The following PCDHGA2 variants were observed in gnomAD, a reference collection of about 807,000 sequenced individuals.
The protein encoded by PCDHGA2 is protocadherin gamma subfamily A, 2.
Under a neutral mutation model 59.2 loss-of-function variants are expected in PCDHGA2, and 40 were observed. The ratio of observed to expected loss-of-function variants is 0.68; its 90% CI spans 0.52 to 0.88. PCDHGA2 has a LOEUF of 0.88. Among genes scored for constraint, PCDHGA2 ranks in the 40% least tolerant of loss-of-function variants. The pLI, the probability that PCDHGA2 is intolerant of heterozygous loss-of-function variation, is 0.00. For missense variants in PCDHGA2, 1,226 were observed against 1,204.0 expected (o/e 1.02, Z -0.27); for synonymous variants, 560 against 526.0 (o/e 1.06, Z -0.89).
Position 141,432,691 on chromosome 5 carries a change from G to A in PCDHGA2, c.2425-62116G>A, listed in dbSNP as rs1308174141. Reference sequence around the variant, plus strand: ...ACGCGCTCAAGCAGAGCCTCGTAGTGGCCGTCCAGGACCACGGCCAGCCCC... The same window carrying A: ...ACGCGCTCAAGCAGAGCCTCGTAGTAGCCGTCCAGGACCACGGCCAGCCCC... On this transcript the variant is annotated intron_variant, in intron 1 of 3. Transcript: ENST00000394576. The surrounding 1 kb of genome is among the most constrained non-coding windows in gnomAD (Gnocchi z 6.0). 1 of 1,613,942 alleles carries A rather than the reference G, an allele frequency of 6.2e-7. No individual in the cohort carries two copies. Among genetic ancestry groups the A allele is most frequent in the South Asian group, 1.1e-5 (1 of 91,068 alleles).
At chr5:141,397,813 A>G (rs2093571371) in intron 1 of PCDHGA2, among the ~76,000 whole-genome samples, 2 of 152,216 alleles carry the variant, frequency 1.3e-5, no homozygotes, top group Non-Finnish European at 2.9e-5. Flanking sequence ...GCACACAAAA[A>G]CAATTACTGC....
At chr5:141,353,468 T>C (rs1344586353) in intron 1 of PCDHGA2, among the ~76,000 whole-genome samples, 1 of 152,198 alleles carries the variant, frequency 6.6e-6, no homozygotes, top group Non-Finnish European at 1.5e-5. Flanking sequence ...AGCCTTCCAA[T>C]TATTAAGACT....
chr5:141,339,914 C>T lies in PCDHGA2; in HGVS notation c.943C>T (p.His315Tyr). The T allele has an allele frequency of 1.2e-6, 2 of 1,614,112 alleles. No homozygotes were observed. Among genetic ancestry groups the T allele is most frequent in the South Asian group, 1.1e-5 (1 of 91,072 alleles). Residue 315 changes from histidine (H) to tyrosine (Y), a missense_variant, in exon 1 of 4, where the codon CAT becomes TAT. By Grantham distance (83) the His-to-Tyr change is moderately conservative. Transcript: ENST00000394576. ...KDLDYEDATF[H>Y]EIDIEAQDGP... ...TCTAGATTATGAGGATGCTACATTC[C>T]ATGAAATTGATATTGAAGCTCAGGA... is the stretch of plus-strand genomic sequence containing the variant.
At position 141,408,970 on chromosome 5, in the gene PCDHGA2, C is replaced by T. The variant is rs755949698; in HGVS notation, c.2424+67575C>T. The stretch of plus-strand genomic sequence containing the variant: ...GAATTAGTCTTAGTGAAAATCTGCC[C>T]CCTGGGTCCCCTGTGTTGCAAGTGA... On this transcript the variant is annotated intron_variant, in intron 1 of 3. Coordinates refer to ENST00000394576, the MANE Select transcript of PCDHGA2 (RefSeq NM_018915.4). 10 of 1,613,770 alleles carry T rather than the reference C, an allele frequency of 6.2e-6. No homozygotes were observed. The South Asian group carries it at 1.1e-4, about 18-fold the overall frequency.
At chr5:141,480,591 T>G (rs557048485) in intron 1 of PCDHGA2, among the ~76,000 whole-genome samples, 1 of 138,080 alleles carries the variant, frequency 7.2e-6, no homozygotes, top group South Asian at 2.2e-4. Flanking sequence ...GCCGCTCTTC[T>G]GGTCAGCCTG....
At chr5:141,478,924 T>C (rs1213046748) in intron 1 of PCDHGA2, 10 of 704,004 alleles carry the variant, frequency 1.4e-5, no homozygotes. Context: ...CTCTAACCAG[T>C]GGCAGCTTCT....
chr5:141,420,188 A>G (rs775537913), intron 1 of PCDHGA2: 1 of 1,613,848 alleles, frequency 6.2e-7, no homozygotes, highest in South Asian at 1.1e-5. Context: ...TTGTCCAGCC[A>G]CACAAGATAA....
chr5:141,492,962 C>T (rs1197532146), intron 1 of PCDHGA2, among the ~76,000 whole-genome samples: 2 of 152,258 alleles, frequency 1.3e-5, no homozygotes, highest in Non-Finnish European at 2.9e-5. Context: ...CTATCTGACA[C>T]TCTAACAAGT....
intron 1 of PCDHGA2, among the ~76,000 whole-genome samples, chr5:141,433,853 A>C (rs934981508): frequency 1.3e-5 from 2 of 151,912 alleles, no homozygotes; most frequent in African/African-American, 2.4e-5. Context: ...AAAAAAAAAA[A>C]AACTTTATCC....
chr5:141,384,283 G>A (rs762515266), intron 1 of PCDHGA2: 1 of 1,613,762 alleles, frequency 6.2e-7, no homozygotes. Context: ...AGTCTACATC[G>A]CTGAGAACAA....
intron 1 of PCDHGA2, chr5:141,371,200 T>A (rs2149980452): frequency 6.2e-7 from 1 of 1,614,034 alleles, no homozygotes; most frequent in East Asian, 2.2e-5. Context: ...GCCATTGACA[T>A]GGATGAGGGC....
At chr5:141,409,520 T>TTG (rs767613304) in intron 1 of PCDHGA2, 2 of 1,613,966 alleles carry the variant, frequency 1.2e-6, no homozygotes, top group East Asian at 4.5e-5. Flanking sequence ...AAGCATCACC[T>TTG]TGTATGTCGC....
chr5:141,351,705 G>A (rs749976408), intron 1 of PCDHGA2: 2 of 1,613,926 alleles, frequency 1.2e-6, no homozygotes, highest in East Asian at 2.2e-5. Context: ...CCCAACGGCA[G>A]AGTCTCCTAC....
chr5:141,509,115 G>C (rs1480955058), intron 3 of PCDHGA2, among the ~76,000 whole-genome samples: 1 of 152,186 alleles, frequency 6.6e-6, no homozygotes, highest in Non-Finnish European at 1.5e-5. Flanking sequence ...GAGCGCTGGT[G>C]CGTGAAGAGA....
chr5:141,469,552 C>G (rs956606902), intron 1 of PCDHGA2, among the ~76,000 whole-genome samples: 1 of 151,910 alleles, frequency 6.6e-6, no homozygotes, highest in African/African-American at 2.4e-5. Context: ...TCCAGCCTGG[C>G]GACAGAGTGA....
At chr5:141,362,746 G>A (rs1247089931) in intron 1 of PCDHGA2, 1 of 702,364 alleles carries the variant, frequency 1.4e-6, no homozygotes, top group East Asian at 2.7e-5. Flanking sequence ...ACCCATGATT[G>A]CAAACCTTTA....
At chr5:141,501,326 CACACA>C (rs2099807944) in intron 2 of PCDHGA2, among the ~76,000 whole-genome samples, 1 of 151,784 alleles carries the variant, frequency 6.6e-6, no homozygotes, top group Non-Finnish European at 1.5e-5. Flanking sequence ...CACACACACA[CACACA>C]CACCCCAAAC....
chr5:141,354,208 C>A (rs1232635015), intron 1 of PCDHGA2, among the ~76,000 whole-genome samples: 3 of 152,106 alleles, frequency 2.0e-5, no homozygotes, highest in South Asian at 2.1e-4. Context: ...TCTAACTTTT[C>A]TTTTTATTTC....
At chr5:141,345,534 C>T in intron 1 of PCDHGA2, 1 of 1,614,180 alleles carries the variant, frequency 6.2e-7, no homozygotes, top group Admixed American at 1.7e-5. Flanking sequence ...GGGGGCGCCC[C>T]TGTCCTCCTT....
Sources: allele counts gnomAD v4.1 joint callset (sites outside exome capture counted in the v4.1 genomes callset), GRCh38; gene constraint gnomAD v4.1.1; non-coding constraint Gnocchi (gnomAD v3.1); transcripts MANE v1.5; gene names NCBI Gene and HGNC (gene_info 2026-07-23, HGNC 2026-07-21).